Variants in ARHGEF11 observed in about 807,000 individuals in gnomAD.
The protein encoded by ARHGEF11 is Rho guanine nucleotide exchange factor 11.
In ARHGEF11, 55 loss-of-function variants were observed where a neutral mutation model predicts 193.7. That is an observed-to-expected ratio of 0.28 (90% CI 0.23 to 0.36). ARHGEF11 has a LOEUF of 0.36. Ranked by LOEUF, ARHGEF11 falls within the 10% of genes least tolerant of loss-of-function variation. The pLI is 1.00. For missense variants in ARHGEF11, 1,723 were observed against 2,005.6 expected, an observed-to-expected ratio of 0.86 and a Z score of 2.69; for synonymous variants, 693 against 768.0, an observed-to-expected ratio of 0.90 and a Z score of 1.62.
At position 156,936,052 on chromosome 1, in the gene ARHGEF11, T is replaced by C. The variant is rs1267122520; in HGVS notation, c.4637A>G (p.Asp1546Gly). Residue 1546 changes from aspartate to glycine, a missense_variant, in exon 41 of 41, where the codon GAC (aspartate) becomes GGC (glycine). Coordinates refer to ENST00000368194, the MANE Select transcript of ARHGEF11 (RefSeq NM_198236.3). ...ELGPCPEDGS[D>G]APLEDSTADA... Reference sequence around the variant, plus strand: ...TGCTGTGCTGTCTTCCAGGGGGGCGTCAGAGCCTGTGGGAGGAGGATGAAG... The same window carrying C: ...TGCTGTGCTGTCTTCCAGGGGGGCGCCAGAGCCTGTGGGAGGAGGATGAAG... 6.2e-7 allele frequency: 1 copy of C among 1,613,658 alleles called. No homozygotes were observed. The highest frequency in any genetic ancestry group is 2.2e-5 in the East Asian group (1 of 44,866).
At chr1:157,007,011 G>C (rs1397517519) in intron 1 of ARHGEF11, among the ~76,000 whole-genome samples, 1 of 152,104 alleles carries the variant, frequency 6.6e-6, no homozygotes, top group Non-Finnish European at 1.5e-5. Flanking sequence ...AGGCAGCACA[G>C]AGTTAGGGGG....
In ARHGEF11 at chr1:157,012,440, T is replaced by C. The variant is rs571256516; in HGVS notation, c.33-26267A>G. Among the ~76,000 whole-genome samples the C allele has an allele frequency of 2.6e-5, 4 of 152,324 alleles. No homozygotes were observed. The South Asian group carries it at 6.2e-4, about 24-fold the overall frequency. On this transcript the variant is annotated intron_variant, in intron 1 of 40. Coordinates refer to ENST00000368194, the MANE Select transcript of ARHGEF11 (RefSeq NM_198236.3). The stretch of plus-strand genomic sequence containing the variant: ...CAACTGTGACTATACTAAAAATCAC[T>C]TAACCATATAATTTAAATGGATGAA...
rs749845760 is a variant in ARHGEF11 at position 156,939,659 on chromosome 1, G to T, written c.3985C>A (p.Pro1329Thr). 1 of 1,613,876 alleles carries T rather than the reference G, an allele frequency of 6.2e-7. No individual in the cohort carries two copies. Among genetic ancestry groups the T allele is most frequent in the Non-Finnish European group, 8.5e-7 (1 of 1,180,036 alleles). The change falls in exon 37 of 41, where the codon CCC becomes ACC. Residue 1329 changes from proline to threonine, a missense_variant. Around this residue, in one of 5 missense-constraint regions of ARHGEF11, gnomAD observed 360 missense variants for 344.4 expected, o/e 1.05. Coordinates refer to ENST00000368194, the MANE Select transcript of ARHGEF11 (RefSeq NM_198236.3). Reference protein sequence around the residue: ...DMGLCSLEHLPPRTRNSGIWE... With the variant: ...DMGLCSLEHLTPRTRNSGIWE... Reference sequence around the variant, plus strand: ...ATCCCAGAATTTCTGGTCCTTGGGGGTAGGTGTTCCAGAGAACAGAGACCC... The same window carrying T: ...ATCCCAGAATTTCTGGTCCTTGGGGTTAGGTGTTCCAGAGAACAGAGACCC...
At chr1:156,962,070 A>G (rs976132740) in intron 13 of ARHGEF11, among the ~76,000 whole-genome samples, 2 of 152,204 alleles carry the variant, frequency 1.3e-5, no homozygotes, top group African/African-American at 4.8e-5. Flanking sequence ...CCACGGGCAC[A>G]TCTTCAACAC....
intron 22 of ARHGEF11, among the ~76,000 whole-genome samples, chr1:156,950,377 C>CT (rs1373796277): frequency 2.0e-5 from 3 of 152,190 alleles, no homozygotes; most frequent in Non-Finnish European, 4.4e-5. Flanking sequence ...TGGCTCATGC[C>CT]TATAATCCTA....
intron 1 of ARHGEF11, among the ~76,000 whole-genome samples, chr1:156,992,304 C>T (rs1452626467): frequency 6.6e-6 from 1 of 152,244 alleles, no homozygotes; most frequent in Non-Finnish European, 1.5e-5. Context: ...AACTCTTCCT[C>T]TTCTTTACAA....
upstream of ARHGEF11, among the ~76,000 whole-genome samples, chr1:157,045,909 C>G (rs1386295820): frequency 6.6e-6 from 1 of 150,952 alleles, no homozygotes; most frequent in East Asian, 1.9e-4. Flanking sequence ...CTCCTCCTCG[C>G]TGCGCTGCCC....
chr1:156,984,114 G>T (rs182487901), intron 3 of ARHGEF11, among the ~76,000 whole-genome samples: 1 of 152,354 alleles, frequency 6.6e-6, no homozygotes, highest in East Asian at 1.9e-4. Flanking sequence ...CAGCTATTCT[G>T]CTGGTTTTTC....
intron 1 of ARHGEF11, among the ~76,000 whole-genome samples, chr1:157,015,653 G>A (rs948803211): frequency 4.6e-5 from 7 of 152,188 alleles, no homozygotes; most frequent in South Asian, 2.1e-4. Flanking sequence ...TCAGTAATGC[G>A]CAGTGTGTGT....
At position 156,939,656 on chromosome 1, in the gene ARHGEF11, G is replaced by C. The variant is rs748302129; in HGVS notation, c.3988C>G (p.Pro1330Ala). 3.1e-6 allele frequency: 5 copies of C among 1,613,796 alleles called. No individual in the cohort carries two copies. The highest frequency in any genetic ancestry group is 1.7e-5 in the Admixed American group (1 of 60,002). The change falls in exon 37 of 41, where the codon CCA becomes GCA. Residue 1330 changes from proline (P) to alanine (A), a missense_variant. Physicochemically the swap from Pro to Ala is conservative, Grantham distance 27. This residue lies in a region of ARHGEF11 where 360 missense variants were observed against 344.4 expected (regional missense o/e 1.05). Coordinates refer to ENST00000368194, the MANE Select transcript of ARHGEF11 (RefSeq NM_198236.3). ...CATATCCCAGAATTTCTGGTCCTTG[G>C]GGGTAGGTGTTCCAGAGAACAGAGA... ...MGLCSLEHLP[P>A]RTRNSGIWES...
chr1:156,992,271 A>G (rs1005234395), intron 1 of ARHGEF11, among the ~76,000 whole-genome samples: 2 of 152,138 alleles, frequency 1.3e-5, no homozygotes, highest in Non-Finnish European at 1.5e-5. Flanking sequence ...TTTCACTTAC[A>G]ATATCTGTAG....
chr1:156,961,796 G>A (rs750764570), intron 13 of ARHGEF11, 21 bp from the exon 14 acceptor site: 1 of 1,607,034 alleles, frequency 6.2e-7, no homozygotes, highest in Non-Finnish European at 8.5e-7. Flanking sequence ...AGAGAACTGG[G>A]TTAGAGCAGT....
chr1:156,936,497 A>AAAAAAAAAAAATAT (rs370282821), intron 40 of ARHGEF11, among the ~76,000 whole-genome samples: 1 of 33,918 alleles, frequency 2.9e-5, no homozygotes, highest in African/African-American at 1.5e-4. Context: ...AAAAAAAAAA[A>AAAAAAAAAAAATAT]ATATATATAT....
chr1:157,034,081 C>A (rs752710036), intron 1 of ARHGEF11, among the ~76,000 whole-genome samples: 3 of 152,210 alleles, frequency 2.0e-5, no homozygotes, highest in Admixed American at 6.5e-5. Context: ...GTTTCCCAAA[C>A]CTGAAACCCT....
intron 3 of ARHGEF11, among the ~76,000 whole-genome samples, chr1:156,983,702 T>C (rs1664532351): frequency 6.6e-6 from 1 of 152,230 alleles, no homozygotes; most frequent in Non-Finnish European, 1.5e-5. Flanking sequence ...ATCCTGCTGA[T>C]TTGCTTTTCA....
intron 35 of ARHGEF11, among the ~76,000 whole-genome samples, chr1:156,940,842 T>C (rs1288348931): frequency 6.6e-6 from 1 of 152,088 alleles, no homozygotes; most frequent in Non-Finnish European, 1.5e-5. Context: ...AAAAGCATTC[T>C]AAGCAGAAGG....
intron 1 of ARHGEF11, among the ~76,000 whole-genome samples, chr1:156,996,544 C>T (rs1460746782): frequency 2.0e-5 from 3 of 151,880 alleles, no homozygotes; most frequent in Non-Finnish European, 2.9e-5. Flanking sequence ...TAAAAAGAGG[C>T]GGGCGGATCA....
intron 1 of ARHGEF11, among the ~76,000 whole-genome samples, chr1:157,041,439 AG>A (rs1395102204): frequency 1.3e-5 from 2 of 152,218 alleles, no homozygotes; most frequent in Admixed American, 1.3e-4. Flanking sequence ...ACTCTTGAAC[AG>A]GGTGCTACAG....
chr1:157,020,124 A>AG (rs935972878), intron 1 of ARHGEF11, among the ~76,000 whole-genome samples: 5 of 109,754 alleles, frequency 4.6e-5, no homozygotes, highest in African/African-American at 1.6e-4. Flanking sequence ...ACTCTGTCTC[A>AG]GAAAAAAAAA....
Sources: gnomAD v4.1 joint callset for allele counts (sites outside exome capture counted in the v4.1 genomes callset) on GRCh38, gnomAD v4.1.1 for gene constraint, gnomAD v4.1.1 regional missense constraint, MANE v1.5 for transcripts, NCBI Gene and HGNC (gene_info 2026-07-23, HGNC 2026-07-21) for gene names.